Variants in MYT1L observed in about 807,000 individuals in gnomAD.
MYT1L encodes the protein myelin transcription factor 1 like.
Under a neutral mutation model 126.7 loss-of-function variants are expected in MYT1L, and 12 were observed. That is an observed-to-expected ratio of 0.09 (90% CI 0.06 to 0.15). The LOEUF (loss-of-function observed/expected upper bound fraction) is 0.15, where lower values mean the gene tolerates loss of function less well. Ranked by LOEUF, MYT1L falls within the 10% of genes least tolerant of loss-of-function variation. MYT1L has a pLI of 1.00. For synonymous variants in MYT1L, 541 were observed against 604.2 expected, an observed-to-expected ratio of 0.90 and a Z score of 1.53; for missense variants, 979 against 1,585.2, an observed-to-expected ratio of 0.62 and a Z score of 6.49.
At chr2:2,235,218 C>T (rs2094258853) in intron 2 of MYT1L, among the ~76,000 whole-genome samples, 1 of 152,114 alleles carries the variant, frequency 6.6e-6, no homozygotes, top group Non-Finnish European at 1.5e-5. Context: ...CTCAGAGCTT[C>T]CCCTTAGAGG....
intron 8 of MYT1L, chr2:1,974,282 T>C (rs1315443143): frequency 6.6e-6 from 1 of 152,176 alleles, no homozygotes; most frequent in Non-Finnish European, 1.5e-5. Context: ...GTGGGGAACA[T>C]GGAGGTGCTC....
intron 4 of MYT1L, among the ~76,000 whole-genome samples, chr2:2,047,936 T>G (rs2068383882): frequency 6.6e-6 from 1 of 152,190 alleles, no homozygotes; most frequent in African/African-American, 2.4e-5. Context: ...CAAATTTCTT[T>G]CCAGGCTTCT....
chr2:2,159,338 C>T (rs887382130), intron 3 of MYT1L, among the ~76,000 whole-genome samples: 2 of 152,124 alleles, frequency 1.3e-5, no homozygotes, highest in Non-Finnish European at 2.9e-5. Flanking sequence ...TCTTAGGTGT[C>T]GGCACTGAAC....
At position 1,797,007 on chromosome 2, in the gene MYT1L, C is replaced by G. The variant is rs1251529782; in HGVS notation, c.3277-4543G>C. ...GGCCGAGGGCAAGCTTTTCTTGTCT[C>G]TGCTCCGGGCTCTGGTGTGAACTGA... On this transcript the variant is annotated intron_variant, in intron 23 of 24. Transcript: ENST00000647738. Among the ~76,000 whole-genome samples the G allele has an allele frequency of 4.6e-5, 7 of 152,308 alleles. No individual in the cohort carries two copies. In the East Asian group the frequency reaches 1.2e-3, roughly 25 times the overall value.
Position 1,979,920 on chromosome 2 carries a change from G to A in MYT1L, c.1-143C>T, listed in dbSNP as rs1357194731. On this transcript the variant is annotated intron_variant, in intron 5 of 24. Transcript: ENST00000647738. The surrounding 1 kb of genome is among the most constrained non-coding windows in gnomAD (Gnocchi z 4.0). Reference sequence around the variant, plus strand: ...TGAAGGGAAGCCCTCTACAAGGGCAGGGGGTAAGACCAGGCAATCTAAATG... The same window carrying A: ...TGAAGGGAAGCCCTCTACAAGGGCAAGGGGTAAGACCAGGCAATCTAAATG... 4 of 773,830 alleles carry A rather than the reference G, an allele frequency of 5.2e-6. No homozygotes were observed. In the East Asian group the frequency reaches 1.1e-4, roughly 21 times the overall value. 47.9% of individuals were successfully genotyped at this position (773,830 alleles called of 1,614,324 possible).
In MYT1L at chr2:1,912,056, C is replaced by T. The variant is rs746083137; in HGVS notation, c.1673G>A (p.Arg558His). 4 of 1,598,646 alleles carry T rather than the reference C, an allele frequency of 2.5e-6. No homozygotes were observed. Among genetic ancestry groups the T allele is most frequent in the Admixed American group, 1.7e-5 (1 of 59,238 alleles). Residue 558 changes from arginine to histidine, a missense_variant, in exon 12 of 25, where the codon CGC (arginine) becomes CAC (histidine). This residue lies in a region of MYT1L where 82 missense variants were observed against 177.2 expected (regional missense o/e 0.46). Transcript: ENST00000647738. This position sits in a 1 kb window ranked among gnomAD's most constrained non-coding sequence, Gnocchi z 4.3. ...LKCPTPGCTG[R>H]GHVNSNRNSH... ...GTTCCTGTTGCTGTTGACATGCCCG[C>T]GCCCCGTGCAGCCCGGAGTGGGGCA...
At chr2:2,288,571 T>G (rs1319500477) in intron 1 of MYT1L, among the ~76,000 whole-genome samples, 1 of 152,232 alleles carries the variant, frequency 6.6e-6, no homozygotes, top group Non-Finnish European at 1.5e-5. Flanking sequence ...TCATTGATCA[T>G]TATGTATTGA....
intron 2 of MYT1L, among the ~76,000 whole-genome samples, chr2:2,176,127 G>A (rs77010199): frequency 2.4e-4 from 37 of 152,220 alleles, no homozygotes; most frequent in East Asian, 1.9e-3. Context: ...TTTAGGATAT[G>A]TCCACTTTCA....
intron 3 of MYT1L, among the ~76,000 whole-genome samples, chr2:2,159,910 C>A (rs1229546559): frequency 6.6e-6 from 1 of 152,046 alleles, no homozygotes; most frequent in Non-Finnish European, 1.5e-5. Flanking sequence ...TGAGTGAATT[C>A]AAAAGCCCAA....
intron 3 of MYT1L, among the ~76,000 whole-genome samples, chr2:2,129,811 C>A (rs1262565667): frequency 6.6e-6 from 1 of 150,986 alleles, no homozygotes; most frequent in Non-Finnish European, 1.5e-5. Flanking sequence ...GAGGCTGAGG[C>A]AGGAGAATGG....
chr2:1,937,945 C>G (rs576890958), intron 9 of MYT1L, among the ~76,000 whole-genome samples: 1 of 152,182 alleles, frequency 6.6e-6, no homozygotes, highest in Non-Finnish European at 1.5e-5. Flanking sequence ...AAGACACCTG[C>G]GTGTCACCGG....
intron 8 of MYT1L, among the ~76,000 whole-genome samples, chr2:1,972,636 C>A (rs1277985601): frequency 6.6e-6 from 1 of 152,216 alleles, no homozygotes. Context: ...TGGCAGACTC[C>A]AAATGAGGCG....
intron 9 of MYT1L, among the ~76,000 whole-genome samples, chr2:1,936,120 G>A (rs1055965101): frequency 6.6e-6 from 1 of 152,126 alleles, no homozygotes; most frequent in African/African-American, 2.4e-5. Context: ...ACAGGGTTTT[G>A]GCCTGTTGGC....
chr2:1,876,235 C>G (rs2046889437), intron 18 of MYT1L, among the ~76,000 whole-genome samples: 1 of 152,150 alleles, frequency 6.6e-6, no homozygotes. Flanking sequence ...TCTGTGGGCC[C>G]CTCTCGCTGG....
At chr2:1,908,241 T>C (rs751511366) in intron 13 of MYT1L, among the ~76,000 whole-genome samples, 1 of 151,464 alleles carries the variant, frequency 6.6e-6, no homozygotes, top group Non-Finnish European at 1.5e-5. Flanking sequence ...AACATCGGAG[T>C]GGAGGCTGTG....
At chr2:2,235,552 A>T (rs2094275095) in intron 2 of MYT1L, among the ~76,000 whole-genome samples, 1 of 152,080 alleles carries the variant, frequency 6.6e-6, no homozygotes, top group Admixed American at 6.5e-5. Flanking sequence ...GTTTATTGGC[A>T]CTAACTCTGG....
Position 1,803,439 on chromosome 2 carries a change from A to G in MYT1L, c.3173-1640T>C, listed in dbSNP as rs562621002. On this transcript the variant is annotated intron_variant, in intron 22 of 24. Coordinates refer to ENST00000647738, the MANE Select transcript of MYT1L (RefSeq NM_001303052.2). ...TCAAAAACCTTGGACTGGGATGCTT[A>G]GTTTGAAGAATTCATGATAAATGTC... is the stretch of plus-strand genomic sequence containing the variant. Among the ~76,000 whole-genome samples, 18 of 152,356 alleles carry G rather than the reference A, an allele frequency of 1.2e-4. No individual in the cohort carries two copies. In the South Asian group the frequency reaches 3.7e-3, roughly 32 times the overall value.
At chr2:1,881,999 G>A (rs1219302179) in intron 18 of MYT1L, among the ~76,000 whole-genome samples, 6 of 152,258 alleles carry the variant, frequency 3.9e-5, no homozygotes, top group South Asian at 2.1e-4. Flanking sequence ...CCTTGCAGTC[G>A]ATTGTCTCTA....
In MYT1L at chr2:1,892,019, C is replaced by G. The variant is rs772813441; in HGVS notation, c.2283+18G>C. On this transcript the variant is annotated intron_variant, in intron 15 of 24. Coordinates refer to ENST00000647738, the MANE Select transcript of MYT1L (RefSeq NM_001303052.2). ...TCCCCCACCCGCCAGGTGGCTCCAC[C>G]TGCCCAGGCGCGCGTACCCGCGTGG... 5.1e-5 allele frequency: 77 copies of G among 1,497,020 alleles called. No homozygotes were observed. Among genetic ancestry groups the G allele is most frequent in the Admixed American group, 4.1e-5 (2 of 48,348 alleles). 92.7% of individuals were successfully genotyped at this position (1,497,020 alleles called of 1,614,324 possible).
Sources: allele counts gnomAD v4.1 joint callset (sites outside exome capture counted in the v4.1 genomes callset), GRCh38; gene constraint gnomAD v4.1.1; regional missense constraint gnomAD v4.1.1; non-coding constraint Gnocchi (gnomAD v3.1); transcripts MANE v1.5; gene names NCBI Gene and HGNC (gene_info 2026-07-23, HGNC 2026-07-21).